PTP4A2: variants seen among roughly 807,000 people sequenced by gnomAD.
PTP4A2 encodes protein tyrosine phosphatase type IVA 2.
A neutral mutation model predicts 22.9 loss-of-function variants in PTP4A2; 2 were observed. That is an observed-to-expected ratio of 0.09 (90% CI 0.04 to 0.27). PTP4A2 has a LOEUF of 0.27. PTP4A2 is among the 10% of genes least tolerant of loss of function. The probability of loss-of-function intolerance (pLI) is 1.00; values close to 1 mark genes in which losing one functional copy is unlikely to be tolerated. For missense variants in PTP4A2, 103 were observed against 205.1 expected, an observed-to-expected ratio of 0.50 and a Z score of 3.04; for synonymous variants, 68 against 69.1, an observed-to-expected ratio of 0.98 and a Z score of 0.08.
intron 4 of PTP4A2, 58 bp from the exon 5 acceptor site, chr1:31,910,170 A>G (rs982066187): frequency 7.3e-7 from 1 of 1,369,096 alleles, no homozygotes; most frequent in Non-Finnish European, 1.0e-6. Context: ...AGGATTTTTA[A>G]AAACCTGTAA....
intron 2 of PTP4A2, among the ~76,000 whole-genome samples, chr1:31,916,932 A>T (rs1651878507): frequency 6.6e-6 from 1 of 152,206 alleles, no homozygotes. Context: ...TGAAATAAAC[A>T]TGCTTTTTTT....
At chr1:31,909,609 T>A (rs1203379137) in intron 5 of PTP4A2, among the ~76,000 whole-genome samples, 2 of 151,674 alleles carry the variant, frequency 1.3e-5, no homozygotes, top group Admixed American at 1.3e-4. Context: ...GAGGCAGAGG[T>A]TGCAGTGAGC....
chr1:31,908,089 G>T lies in PTP4A2; in HGVS notation c.*763C>A, dbSNP rs1461471689. 2.1e-5 allele frequency: 2 copies of T among 96,272 alleles called. No homozygotes were observed. Among genetic ancestry groups the T allele is most frequent in the South Asian group, 3.4e-4 (1 of 2,928 alleles). 6.0% of individuals were successfully genotyped at this position (96,272 alleles called of 1,614,324 possible). On this transcript the variant is annotated 3_prime_UTR_variant, in exon 6 of 6. Coordinates refer to ENST00000647444, the MANE Select transcript of PTP4A2 (RefSeq NM_080391.4). ...AACTAACATGAACACCCTTTCATCA[G>T]TAAAGACTAAAAACCACCTGGAAAA...
At chr1:31,910,802 A>G (rs568841738) in intron 4 of PTP4A2, 1 of 152,360 alleles carries the variant, frequency 6.6e-6, no homozygotes, top group African/African-American at 2.4e-5. Flanking sequence ...ATTGATTTTA[A>G]TATTTCCTTA....
intron 1 of PTP4A2, chr1:31,921,402 T>C (rs1365045296): frequency 1.3e-5 from 2 of 152,216 alleles, no homozygotes; most frequent in Non-Finnish European, 2.9e-5. Flanking sequence ...GTTTACCTTT[T>C]TATTATTTGT....
intron 1 of PTP4A2, among the ~76,000 whole-genome samples, chr1:31,929,091 AAAATTGCATT>A (rs1468845677): frequency 1.3e-5 from 2 of 152,242 alleles, no homozygotes; most frequent in African/African-American, 4.8e-5. Flanking sequence ...CTATAAGACA[AAAATTGCATT>A]AAATATTTTC....
chr1:31,913,985 A>T (rs1651685021), intron 3 of PTP4A2: 11 of 419,158 alleles, frequency 2.6e-5, no homozygotes, highest in Non-Finnish European at 4.8e-5. Context: ...GTTTACACTC[A>T]TTCCCAGTGA....
intron 1 of PTP4A2, among the ~76,000 whole-genome samples, chr1:31,925,230 C>T (rs991895114): frequency 6.6e-6 from 1 of 152,058 alleles, no homozygotes; most frequent in African/African-American, 2.4e-5. Flanking sequence ...TATGGTATTA[C>T]CTTTAAAAAA....
chr1:31,916,558 A>G (rs998084039), intron 2 of PTP4A2, among the ~76,000 whole-genome samples: 2 of 152,156 alleles, frequency 1.3e-5, no homozygotes, highest in Non-Finnish European at 2.9e-5. Flanking sequence ...CATACACTGC[A>G]ACCTAAAAAT....
At chr1:31,922,205 C>A (rs190493550) in intron 1 of PTP4A2, among the ~76,000 whole-genome samples, 197 of 152,314 alleles carry the variant, frequency 1.3e-3, no homozygotes, top group Non-Finnish European at 2.0e-3. Context: ...AAAAAGTTGG[C>A]CGGGCGTGAT....
rs552457554 is a variant in PTP4A2, at chr1:31,908,611, A to G, written c.*241T>C. On this transcript the variant is annotated 3_prime_UTR_variant, in exon 6 of 6. Coordinates refer to ENST00000647444, the MANE Select transcript of PTP4A2 (RefSeq NM_080391.4). ...CAGAAATTCAAACTCCAAAACTAGGAGCAAAATCATCCTTCACTGAATTAA... is the reference window on the plus strand; with the variant it reads ...CAGAAATTCAAACTCCAAAACTAGGGGCAAAATCATCCTTCACTGAATTAA... 34 of 344,190 alleles carry G rather than the reference A, an allele frequency of 9.9e-5. No homozygotes were observed. The highest frequency in any genetic ancestry group is 8.2e-4 in the Middle Eastern group (1 of 1,220). 21.3% of individuals were successfully genotyped at this position (344,190 alleles called of 1,614,324 possible).
Position 31,910,366 on chromosome 1 carries a change from G to A in PTP4A2, c.321-254C>T, listed in dbSNP as rs111265445. The A allele has an allele frequency of 2.4e-3, 758 of 319,712 alleles. 6 individuals are homozygous for A. The highest frequency in any genetic ancestry group is 6.6e-3 in the East Asian group (122 of 18,440). The allele number at this position is 319,712 out of a possible 1,614,324, so 19.8% of individuals were successfully genotyped here. On this transcript the variant is annotated intron_variant, in intron 4 of 5. Coordinates refer to ENST00000647444, the MANE Select transcript of PTP4A2 (RefSeq NM_080391.4). ...TGCAGTGGCACAATCACGGCTCACC[G>A]CAGCCTCAACCTCCCAAAGCTCAGG...
chr1:31,917,501 GA>G (rs1031729526), intron 2 of PTP4A2, among the ~76,000 whole-genome samples: 24 of 152,116 alleles, frequency 1.6e-4, no homozygotes, highest in Admixed American at 1.6e-3. Context: ...GCCATTCATT[GA>G]AAAGTTGCGA....
chr1:31,922,630 CTTTCTTTT>C lies in PTP4A2; in HGVS notation c.-593-2980_-593-2973del, dbSNP rs1444897574. The stretch of plus-strand genomic sequence containing the variant: ...TCTTTCTTTCTTTCTTTCTTTCTTT[CTTTCTTTT>C]ATTTATTTTGAGACAGGTTTTCACT... On this transcript the variant is annotated intron_variant, in intron 1 of 5. Transcript: ENST00000647444. Among the ~76,000 whole-genome samples, 47 of 95,758 alleles carry C rather than the reference CTTTCTTTT, an allele frequency of 4.9e-4. 1 individual carries two copies. Among genetic ancestry groups the C allele is most frequent in the African/African-American group, 1.1e-3 (25 of 21,824 alleles). The allele number at this position is 95,758 out of a possible 152,430, so 62.8% of individuals were successfully genotyped here.
At chr1:31,922,448 A>C (rs1157377070) in intron 1 of PTP4A2, among the ~76,000 whole-genome samples, 1 of 152,146 alleles carries the variant, frequency 6.6e-6, no homozygotes, top group Non-Finnish European at 1.5e-5. Context: ...GTGCCACTGC[A>C]CTCCAGCCTG....
At chr1:31,935,245 T>C (rs914634020) in intron 1 of PTP4A2, among the ~76,000 whole-genome samples, 3 of 152,166 alleles carry the variant, frequency 2.0e-5, no homozygotes, top group East Asian at 3.9e-4. Flanking sequence ...CGCAGACATA[T>C]CCCAGGTGCC....
intron 3 of PTP4A2, among the ~76,000 whole-genome samples, chr1:31,915,262 C>T (rs10914501): frequency 2.0e-3 from 311 of 152,146 alleles, no homozygotes; most frequent in African/African-American, 7.1e-3. Flanking sequence ...AACAAAACTG[C>T]CAATTTGTTA....
chr1:31,910,164 T>C, intron 4 of PTP4A2, 52 bp from the exon 5 acceptor site: 1 of 1,454,044 alleles, frequency 6.9e-7, no homozygotes, highest in Non-Finnish European at 9.6e-7. Context: ...AGTGAAAGGA[T>C]TTTTAAAAAC....
rs1181015001 is a variant in PTP4A2 at position 31,908,297 on chromosome 1, A to C, written c.*555T>G. The stretch of plus-strand genomic sequence containing the variant: ...GGCTTAAGGCTGCCAGACTGCACGC[A>C]CATCTACAGCAACAAGGGCTTCTAT... On this transcript the variant is annotated 3_prime_UTR_variant, in exon 6 of 6. Transcript: ENST00000647444. The C allele has an allele frequency of 7.4e-6, 1 of 134,526 alleles. No homozygotes were observed. Among genetic ancestry groups the C allele is most frequent in the African/African-American group, 2.8e-5 (1 of 35,456 alleles). 8.3% of individuals were successfully genotyped at this position (134,526 alleles called of 1,614,324 possible). A position where few individuals can be genotyped will look rare whatever the true frequency, so the allele number is the denominator to read the frequency against.
Sources: gnomAD v4.1 joint callset for allele counts (sites outside exome capture counted in the v4.1 genomes callset) on GRCh38, gnomAD v4.1.1 for gene constraint, MANE v1.5 for transcripts, NCBI Gene and HGNC (gene_info 2026-07-23, HGNC 2026-07-21) for gene names.